DOCK3: variants seen among roughly 807,000 people sequenced by gnomAD.
DOCK3 encodes the protein dedicator of cytokinesis 3.
Under a neutral mutation model 265.6 loss-of-function variants are expected in DOCK3, and 60 were observed. The observed-to-expected ratio is 0.23, with a 90% CI of 0.18 to 0.28. The LOEUF is 0.28. Among genes scored for constraint, DOCK3 ranks in the 10% least tolerant of loss-of-function variants. DOCK3 has a pLI of 1.00. For missense variants in DOCK3, 1,981 were observed against 2,594.3 expected (o/e 0.76, Z 5.14); for synonymous variants, 881 against 938.0 (o/e 0.94, Z 1.11).
intron 5 of DOCK3, among the ~76,000 whole-genome samples, chr3:51,043,210 G>C (rs1010574086): frequency 6.6e-6 from 1 of 152,102 alleles, no homozygotes; most frequent in Non-Finnish European, 1.5e-5. Context: ...AGTAACCAAA[G>C]CAGCATGGTA....
chr3:51,322,387 C>G (rs1219911795), intron 32 of DOCK3, among the ~76,000 whole-genome samples: 3 of 151,892 alleles, frequency 2.0e-5, no homozygotes, highest in Non-Finnish European at 4.4e-5. Context: ...GTATTTTTAG[C>G]AGAGACGGAG....
At chr3:50,900,722 A>G (rs768205394) in intron 4 of DOCK3, 14 of 450,778 alleles carry the variant, frequency 3.1e-5, no homozygotes, top group East Asian at 1.4e-4. Context: ...TTTCCTTCCA[A>G]TGGTCAGGCT....
In DOCK3 at chr3:50,867,766, G is replaced by A. The variant is rs1311987188; in HGVS notation, c.163-22260G>A. ...ATGTTGAACCATCCTTCCATCCCAG[G>A]GATAAATCTTACTTGATCATGATGA... is the stretch of plus-strand genomic sequence containing the variant. On this transcript the variant is annotated intron_variant, in intron 3 of 52. Coordinates refer to ENST00000266037, the MANE Select transcript of DOCK3 (RefSeq NM_004947.5). 3.9e-5 allele frequency among the ~76,000 whole-genome samples: 6 copies of A among 151,906 alleles called. No individual in the cohort carries two copies. The South Asian group carries it at 1.2e-3, about 32-fold the overall frequency.
At chr3:51,364,936 T>C (rs2087024946) in intron 49 of DOCK3, among the ~76,000 whole-genome samples, 1 of 152,254 alleles carries the variant, frequency 6.6e-6, no homozygotes, top group South Asian at 2.1e-4. Flanking sequence ...AGCTTTGTTC[T>C]TTTTGCTTAG....
intron 44 of DOCK3, among the ~76,000 whole-genome samples, 187 bp from the exon 45 acceptor site, chr3:51,357,571 A>T (rs577139601): frequency 6.6e-6 from 1 of 152,322 alleles, no homozygotes; most frequent in East Asian, 1.9e-4. Flanking sequence ...GGCCACGTTC[A>T]GTCCTTCTCA....
chr3:51,338,248 C>T, intron 35 of DOCK3, 111 bp from the exon 36 acceptor site: 1 of 1,189,128 alleles, frequency 8.4e-7, no homozygotes, highest in East Asian at 2.6e-5. Flanking sequence ...CTGTTGGAGG[C>T]CATCTCAATC....
At chr3:51,103,913 A>C (rs1474032328) in intron 9 of DOCK3, among the ~76,000 whole-genome samples, 1 of 152,170 alleles carries the variant, frequency 6.6e-6, no homozygotes, top group Admixed American at 6.5e-5. Flanking sequence ...TCTACCCATA[A>C]TGGGGGATGA....
intron 9 of DOCK3, among the ~76,000 whole-genome samples, chr3:51,133,277 T>G (rs1191280580): frequency 2.0e-5 from 3 of 151,910 alleles, no homozygotes; most frequent in Admixed American, 6.6e-5. Flanking sequence ...GCTCATCATT[T>G]ACATTAGGTA....
chr3:51,122,684 T>C (rs960027348), intron 9 of DOCK3, among the ~76,000 whole-genome samples: 12 of 152,198 alleles, frequency 7.9e-5, no homozygotes, highest in South Asian at 2.1e-4. Flanking sequence ...TTGACTTGGT[T>C]AGTGGCATTT....
chr3:50,932,778 A>G (rs541995092), intron 4 of DOCK3, among the ~76,000 whole-genome samples: 2 of 152,202 alleles, frequency 1.3e-5, no homozygotes, highest in East Asian at 3.9e-4. Context: ...TTTTGCATGT[A>G]TTGGGCCTTG....
chr3:51,341,060 A>G (rs146367572), intron 37 of DOCK3, among the ~76,000 whole-genome samples, 177 bp from the exon 38 acceptor site: 1 of 152,346 alleles, frequency 6.6e-6, no homozygotes, highest in African/African-American at 2.4e-5. Context: ...GCTGTGGACA[A>G]GGGTTATTGG....
chr3:50,713,666 T>C (rs1469519496), intron 1 of DOCK3, among the ~76,000 whole-genome samples: 1 of 151,764 alleles, frequency 6.6e-6, no homozygotes, highest in Non-Finnish European at 1.5e-5. Context: ...TTTTTGTTTG[T>C]TTGTTTTAGA....
chr3:50,760,509 A>T (rs1218439602), intron 1 of DOCK3, among the ~76,000 whole-genome samples: 2 of 152,302 alleles, frequency 1.3e-5, no homozygotes, highest in African/African-American at 4.8e-5. Flanking sequence ...TATATGAGGC[A>T]TTGAACATCT....
chr3:50,815,477 A>G (rs1420400394), intron 2 of DOCK3, among the ~76,000 whole-genome samples: 1 of 152,206 alleles, frequency 6.6e-6, no homozygotes, highest in East Asian at 1.9e-4. Context: ...CATAATCATG[A>G]AATTGACCTT....
chr3:51,046,674 C>G (rs1184214664), intron 5 of DOCK3, among the ~76,000 whole-genome samples: 1 of 152,002 alleles, frequency 6.6e-6, no homozygotes, highest in African/African-American at 2.4e-5. Flanking sequence ...ATGGATAGAT[C>G]AGACAGAAAA....
In DOCK3 at chr3:51,312,840, T is replaced by C. The variant is rs767301744; in HGVS notation, c.3195-4T>C. Reference sequence around the variant, plus strand: ...ACGGTTGGCTCCTGTGTTACTATTCTTAGGTATGGGGACATGCGTGTAATG... The same window carrying C: ...ACGGTTGGCTCCTGTGTTACTATTCCTAGGTATGGGGACATGCGTGTAATG... On this transcript the variant is annotated splice_region_variant and splice_polypyrimidine_tract_variant and intron_variant, in intron 30 of 52. Transcript: ENST00000266037. 2.3e-5 allele frequency: 37 copies of C among 1,609,318 alleles called. No individual in the cohort carries two copies. Among genetic ancestry groups the C allele is most frequent in the Non-Finnish European group, 2.9e-5 (34 of 1,177,710 alleles).
At chr3:51,063,522 G>T (rs564320732) in intron 5 of DOCK3, among the ~76,000 whole-genome samples, 1 of 152,008 alleles carries the variant, frequency 6.6e-6, no homozygotes, top group African/African-American at 2.4e-5. Context: ...AGCTTATTTT[G>T]GCAAACATCT....
At chr3:51,320,610 G>C (rs1037136714) in intron 32 of DOCK3, among the ~76,000 whole-genome samples, 1 of 152,192 alleles carries the variant, frequency 6.6e-6, no homozygotes, top group African/African-American at 2.4e-5. Context: ...GCAGTCCGAG[G>C]TCGACCTGGG....
chr3:51,087,341 C>A (rs1483225914), intron 7 of DOCK3, among the ~76,000 whole-genome samples: 2 of 152,168 alleles, frequency 1.3e-5, no homozygotes, highest in Admixed American at 6.5e-5. Context: ...ATGTGCAAAT[C>A]AATCAGTGTG....
Sources: gnomAD v4.1 joint callset for allele counts (sites outside exome capture counted in the v4.1 genomes callset) on GRCh38, gnomAD v4.1.1 for gene constraint, MANE v1.5 for transcripts, NCBI Gene and HGNC (gene_info 2026-07-23, HGNC 2026-07-21) for gene names.